The following SNAP23 variants were observed in gnomAD, a reference collection of about 807,000 sequenced individuals.
SNAP23 encodes the protein synaptosome associated protein 23.
In SNAP23, 11 loss-of-function variants were observed where a neutral mutation model predicts 29.0. That is an observed-to-expected ratio of 0.38 (90% confidence interval 0.24 to 0.63). SNAP23 has a LOEUF of 0.63. Among genes scored for constraint, SNAP23 ranks in the 20% least tolerant of loss-of-function variants. The pLI is 0.58. For synonymous variants in SNAP23, 60 were observed against 82.9 expected (o/e 0.72, Z 1.50); for missense variants, 220 against 253.9 (o/e 0.87, Z 0.91).
intron 1 of SNAP23, among the ~76,000 whole-genome samples, chr15:42,507,953 C>A (rs1395468208): frequency 6.6e-6 from 1 of 151,978 alleles, no homozygotes; most frequent in African/African-American, 2.4e-5. Flanking sequence ...TAACCAAATG[C>A]AGATAGAAAA....
chr15:42,495,563 C>T (rs970652120), upstream of SNAP23: 4 of 152,282 alleles, frequency 2.6e-5, no homozygotes, highest in Admixed American at 6.5e-5. Context: ...CCGTGATTGG[C>T]TCCAGCTGCA....
chr15:42,516,088 AGGAGTTGACAGATT>A (rs2057394455), intron 5 of SNAP23, among the ~76,000 whole-genome samples: 1 of 150,222 alleles, frequency 6.7e-6, no homozygotes, highest in Non-Finnish European at 1.5e-5. Context: ...TGCCAAACTA[AGGAGTTGACAGATT>A]GGAGTGGAGT....
chr15:42,515,154 A>C (rs1344818809), intron 4 of SNAP23, 83 bp from the exon 5 acceptor site: 5 of 772,536 alleles, frequency 6.5e-6, no homozygotes, highest in Non-Finnish European at 1.1e-5. Flanking sequence ...TCAAGGTTGA[A>C]GTTTGCTGTT....
intron 1 of SNAP23, among the ~76,000 whole-genome samples, chr15:42,502,304 A>G (rs8036927): frequency 0.048 from 7,236 of 152,214 alleles, 573 homozygotes; most frequent in African/African-American, 0.16. Context: ...GATTACAGGC[A>G]TGAGCCACTG....
intron 4 of SNAP23, among the ~76,000 whole-genome samples, chr15:42,514,570 C>A (rs2057383548): frequency 6.6e-6 from 1 of 152,146 alleles, no homozygotes; most frequent in Non-Finnish European, 1.5e-5. Context: ...GTTTTTATTA[C>A]TCTTATAATA....
chr15:42,506,193 C>T (rs1207896513), intron 1 of SNAP23, among the ~76,000 whole-genome samples: 1 of 151,952 alleles, frequency 6.6e-6, no homozygotes, highest in African/African-American at 2.4e-5. Flanking sequence ...GATCCGCCAA[C>T]CTCGGCCTCC....
At chr15:42,519,054 TC>T (rs1426117384) in intron 5 of SNAP23, among the ~76,000 whole-genome samples, 1 of 135,176 alleles carries the variant, frequency 7.4e-6, no homozygotes, top group East Asian at 2.0e-4. Context: ...TGTTTCTTCT[TC>T]TTTTTTTTTT....
At chr15:42,529,859 GTTCAGTGT>G in intron 7 of SNAP23, 40 bp downstream of exon 7, 1 of 1,601,740 alleles carries the variant, frequency 6.2e-7, no homozygotes, top group Non-Finnish European at 8.5e-7. Flanking sequence ...GAGACACCCA[GTTCAGTGT>G]TTCAGTAATA....
chr15:42,530,622 T>A (rs73404758), intron 7 of SNAP23, among the ~76,000 whole-genome samples: 7,202 of 152,142 alleles, frequency 0.047, 569 homozygotes, highest in African/African-American at 0.16. Context: ...TGGTGGCATG[T>A]GCCTATTGTC....
chr15:42,497,426 C>G (rs1279672800), intron 1 of SNAP23, among the ~76,000 whole-genome samples: 1 of 152,090 alleles, frequency 6.6e-6, no homozygotes, highest in Non-Finnish European at 1.5e-5. Flanking sequence ...CCAGGCTGGT[C>G]TCAAACTCCT....
At chr15:42,514,211 T>C (rs1192506575) in intron 4 of SNAP23, among the ~76,000 whole-genome samples, 1 of 151,544 alleles carries the variant, frequency 6.6e-6, no homozygotes, top group Non-Finnish European at 1.5e-5. Flanking sequence ...AATCGTGGCT[T>C]ACTCCAGGAT....
intron 5 of SNAP23, among the ~76,000 whole-genome samples, chr15:42,519,567 G>A (rs1301059321): frequency 1.9e-4 from 28 of 144,446 alleles, no homozygotes; most frequent in East Asian, 6.4e-4. Flanking sequence ...ACGGGGTTTT[G>A]CCATGTTGGC....
At position 42,503,327 on chromosome 15, in the gene SNAP23, G is replaced by A. The variant is rs543255915; in HGVS notation, c.-15+7614G>A. ...AGTGATTCTCCTGCCTTAGCCTCCT[G>A]AGTAGCTGGGATTACAGGTGCCCGC... On this transcript the variant is annotated intron_variant, in intron 1 of 7. Transcript: ENST00000249647. Among the ~76,000 whole-genome samples the A allele has an allele frequency of 5.3e-4, 80 of 151,364 alleles. 1 individual carries two copies. The highest frequency in any genetic ancestry group is 1.9e-3 in the African/African-American group (77 of 41,248).
chr15:42,529,377 G>C (rs907591204), intron 6 of SNAP23, among the ~76,000 whole-genome samples: 2 of 152,138 alleles, frequency 1.3e-5, no homozygotes, highest in African/African-American at 4.8e-5. Context: ...GTCTGGAATG[G>C]AGTGTGAGAA....
At chr15:42,493,372 ATGTG>A (rs1248318993), upstream of SNAP23, among the ~76,000 whole-genome samples, 1 of 151,664 alleles carries the variant, frequency 6.6e-6, no homozygotes, top group Admixed American at 6.6e-5. Context: ...ATATACATAT[ATGTG>A]TGTGCGTGTG....
chr15:42,529,960 C>A, intron 7 of SNAP23, 141 bp downstream of exon 7: 1 of 883,954 alleles, frequency 1.1e-6, no homozygotes, highest in Non-Finnish European at 1.7e-6. Flanking sequence ...GGTGGTGGTT[C>A]TAACACATAA....
intron 4 of SNAP23, among the ~76,000 whole-genome samples, chr15:42,514,700 C>CTT (rs869134157): frequency 1.8e-4 from 21 of 115,130 alleles, no homozygotes; most frequent in Non-Finnish European, 2.0e-4. Flanking sequence ...ATACAAGATT[C>CTT]TTTTTTTTTT....
At chr15:42,517,649 G>C (rs1335687262) in intron 5 of SNAP23, among the ~76,000 whole-genome samples, 1 of 152,158 alleles carries the variant, frequency 6.6e-6, no homozygotes, top group Non-Finnish European at 1.5e-5. Flanking sequence ...GGTAGGGTAT[G>C]GTCCTGAATC....
At chr15:42,505,954 A>AT (rs1383141757) in intron 1 of SNAP23, among the ~76,000 whole-genome samples, 4 of 86,012 alleles carry the variant, frequency 4.7e-5, no homozygotes, top group Non-Finnish European at 7.5e-5. Flanking sequence ...TTTCTTTTTT[A>AT]TTTTTTTTGA....
Sources: allele counts gnomAD v4.1 joint callset (sites outside exome capture counted in the v4.1 genomes callset), GRCh38; gene constraint gnomAD v4.1.1; transcripts MANE v1.5; gene names NCBI Gene and HGNC (gene_info 2026-07-23, HGNC 2026-07-21).